The following CCDC42 variants were observed in gnomAD, a reference collection of about 807,000 sequenced individuals.
CCDC42 encodes the protein coiled-coil domain-containing protein 42.
In CCDC42, 38 loss-of-function variants were observed where a neutral mutation model predicts 40.8. The ratio of observed to expected loss-of-function variants is 0.93; its 90% CI spans 0.72 to 1.22. The LOEUF (loss-of-function observed/expected upper bound fraction) is 1.22. CCDC42 is among the 50% of genes most tolerant of loss of function. CCDC42 has a pLI of 0.00. For synonymous variants in CCDC42, 135 were observed against 157.5 expected, an observed-to-expected ratio of 0.86 and a Z score of 1.07; for missense variants, 379 against 416.5, an observed-to-expected ratio of 0.91 and a Z score of 0.78.
At chr17:8,739,163 C>T (rs772481509) in intron 4 of CCDC42, among the ~76,000 whole-genome samples, 6 of 151,970 alleles carry the variant, frequency 3.9e-5, no homozygotes, top group Non-Finnish European at 7.4e-5. Context: ...CCAGGAACGA[C>T]GCCAGAGTTG....
chr17:8,737,095 A>G (rs2086617455), intron 4 of CCDC42, among the ~76,000 whole-genome samples: 1 of 152,148 alleles, frequency 6.6e-6, no homozygotes, highest in Non-Finnish European at 1.5e-5. Flanking sequence ...AGAAAAAAAG[A>G]AAAGCAAGCA....
intron 4 of CCDC42, among the ~76,000 whole-genome samples, chr17:8,740,519 A>G (rs899485241): frequency 2.7e-5 from 4 of 147,678 alleles, no homozygotes; most frequent in Non-Finnish European, 5.9e-5. Flanking sequence ...AAAGTGGAGG[A>G]TCTGAGACAG....
chr17:8,742,839 C>T (rs551465285), intron 3 of CCDC42, among the ~76,000 whole-genome samples: 32 of 152,362 alleles, frequency 2.1e-4, no homozygotes, highest in South Asian at 6.2e-4. Flanking sequence ...ATTGAAGCTA[C>T]TGACCCTCTG....
chr17:8,740,616 GA>G (rs1447596234), intron 4 of CCDC42, among the ~76,000 whole-genome samples: 1 of 152,124 alleles, frequency 6.6e-6, no homozygotes, highest in East Asian at 1.9e-4. Flanking sequence ...AGGTAGGAGA[GA>G]GAGGGAGGTG....
intron 4 of CCDC42, among the ~76,000 whole-genome samples, chr17:8,736,254 G>A (rs2086610883): frequency 6.6e-6 from 1 of 152,218 alleles, no homozygotes. Flanking sequence ...ATCTATGACT[G>A]GGGGATAGGG....
chr17:8,744,310 G>A (rs1225322404), intron 1 of CCDC42, 126 bp from the exon 2 acceptor site: 1 of 775,688 alleles, frequency 1.3e-6, no homozygotes, highest in Non-Finnish European at 2.1e-6. Context: ...CCGAGGGAAA[G>A]GGCTGTTGTG....
intron 6 of CCDC42, among the ~76,000 whole-genome samples, chr17:8,731,883 G>A (rs1187818130): frequency 1.3e-5 from 2 of 152,224 alleles, no homozygotes; most frequent in Non-Finnish European, 2.9e-5. Context: ...AAACCTGCTT[G>A]GCTGGACGCG....
chr17:8,735,917 C>T lies in CCDC42; in HGVS notation c.493-306G>A, dbSNP rs533868133. On this transcript the variant is annotated intron_variant, in intron 4 of 6. Transcript: ENST00000293845. The surrounding 1 kb of genome is among the most constrained non-coding windows in gnomAD (Gnocchi z 4.7). ...TAAAAAGGACACCTGCCAGTCTCCA[C>T]CCCCAGAGATTCAGATGAATAAACA... Among the ~76,000 whole-genome samples the T allele has an allele frequency of 3.3e-5, 5 of 152,308 alleles. No homozygotes were observed. The highest frequency in any genetic ancestry group is 3.9e-4 in the East Asian group (2 of 5,176).
chr17:8,744,331 T>C (rs1300404929), intron 1 of CCDC42, 147 bp from the exon 2 acceptor site: 2 of 730,942 alleles, frequency 2.7e-6, no homozygotes, highest in African/African-American at 1.8e-5. Flanking sequence ...TTGAGAAGCA[T>C]AGAGGGCCAT....
rs540822250 is a variant in CCDC42 at position 8,732,657 on chromosome 17, C to G, written c.873+2439G>C. 4.7e-4 allele frequency among the ~76,000 whole-genome samples: 71 copies of G among 152,268 alleles called. 2 individuals carry two copies. Among genetic ancestry groups the G allele is most frequent in the African/African-American group, 1.7e-3 (71 of 41,552 alleles). On this transcript the variant is annotated intron_variant, in intron 6 of 6. Coordinates refer to ENST00000293845, the MANE Select transcript of CCDC42 (RefSeq NM_144681.3). ...TTTTAGAAACGCTGTCTGCTGGGAG[C>G]ATCTCAGGGCATAGAACTATAGCAA...
In CCDC42 at chr17:8,735,081, GT is replaced by G. The variant is rs1284917357; in HGVS notation, c.873+14del. The G allele has an allele frequency of 6.2e-7, 1 of 1,613,998 alleles. No individual in the cohort carries two copies. The highest frequency in any genetic ancestry group is 1.7e-5 in the Admixed American group (1 of 60,030). On this transcript the variant is annotated intron_variant, in intron 6 of 6. Transcript: ENST00000293845. The surrounding 1 kb of genome is among the most constrained non-coding windows in gnomAD (Gnocchi z 4.7). ...AGCCGACCCCACGGGCCCAGTGCCTGTCCCCTCCTCCTACCATGTCCAGCTG... is the reference window on the plus strand; with the variant it reads ...AGCCGACCCCACGGGCCCAGTGCCTGCCCCTCCTCCTACCATGTCCAGCTG...
At chr17:8,736,913 G>A (rs1427958800) in intron 4 of CCDC42, among the ~76,000 whole-genome samples, 1 of 147,280 alleles carries the variant, frequency 6.8e-6, no homozygotes, top group East Asian at 2.0e-4. Context: ...AGAAGAAGAA[G>A]AAAGGAAGAA....
At position 8,735,983 on chromosome 17, in the gene CCDC42, C is replaced by T. The variant is rs1243158502; in HGVS notation, c.493-372G>A. On this transcript the variant is annotated intron_variant, in intron 4 of 6. Coordinates refer to ENST00000293845, the MANE Select transcript of CCDC42 (RefSeq NM_144681.3). This position sits in a 1 kb window ranked among gnomAD's most constrained non-coding sequence, Gnocchi z 4.7. ...CTGGCATCTGAATTTTGCAAAAGGT[C>T]CCCTGGTGGCTCTAGGCACAGCCAG... Among the ~76,000 whole-genome samples, 6 of 152,132 alleles carry T rather than the reference C, an allele frequency of 3.9e-5. No individual in the cohort carries two copies. Among genetic ancestry groups the T allele is most frequent in the African/African-American group, 9.7e-5 (4 of 41,426 alleles).
intron 3 of CCDC42, 91 bp from the exon 4 acceptor site, chr17:8,741,762 CCT>C (rs1216329831): frequency 8.0e-7 from 1 of 1,256,236 alleles, no homozygotes; most frequent in Non-Finnish European, 1.1e-6. Flanking sequence ...CCCTCAGACC[CCT>C]CTGTCTGCAC....
rs2086667975 is a variant in CCDC42, at chr17:8,744,690, TG to T, written c.-82del. 1.0e-6 allele frequency: 1 copy of T among 959,446 alleles called. No individual in the cohort carries two copies. The highest frequency in any genetic ancestry group is 1.3e-5 in the South Asian group (1 of 76,724). The allele number at this position is 959,446 out of a possible 1,614,324, so 59.4% of individuals were successfully genotyped here. A position where few individuals can be genotyped will look rare whatever the true frequency, so the allele number is the denominator to read the frequency against. On this transcript the variant is annotated 5_prime_UTR_variant, in exon 1 of 7. Coordinates refer to ENST00000293845, the MANE Select transcript of CCDC42 (RefSeq NM_144681.3). ...AGCAGAGCCACAGGTGGCTCAGGGG[TG>T]GTGGCTGCACTCTTGTTTCTCCCTT...
chr17:8,744,232 AG>A, intron 1 of CCDC42, 48 bp from the exon 2 acceptor site: 1 of 1,453,704 alleles, frequency 6.9e-7, no homozygotes, highest in African/African-American at 1.4e-5. Context: ...GACATGGGGT[AG>A]GCTGGGGCTG....
At chr17:8,738,011 G>C (rs993183329) in intron 4 of CCDC42, among the ~76,000 whole-genome samples, 1 of 60,218 alleles carries the variant, frequency 1.7e-5, no homozygotes, top group South Asian at 4.0e-4. Flanking sequence ...TTGCAGATTT[G>C]GGGGGGGTCT....
In CCDC42 at chr17:8,733,654, C is replaced by A. The variant is rs529063694; in HGVS notation, c.873+1442G>T. ...TACAGGTGCCTGCCACCATGCCCGGCTAATTTTTGCATTTTTAGTAGAGAT... is the reference window on the plus strand; with the variant it reads ...TACAGGTGCCTGCCACCATGCCCGGATAATTTTTGCATTTTTAGTAGAGAT... On this transcript the variant is annotated intron_variant, in intron 6 of 6. Coordinates refer to ENST00000293845, the MANE Select transcript of CCDC42 (RefSeq NM_144681.3). Among the ~76,000 whole-genome samples the A allele has an allele frequency of 3.9e-5, 6 of 152,310 alleles. No homozygotes were observed. The East Asian group carries it at 1.2e-3, about 29-fold the overall frequency.
rs1568051382 is a variant in CCDC42 at position 8,735,744 on chromosome 17, G to GGCCAGA, written c.493-139_493-134dup. On this transcript the variant is annotated intron_variant, in intron 4 of 6. Transcript: ENST00000293845. This position sits in a 1 kb window ranked among gnomAD's most constrained non-coding sequence, Gnocchi z 4.7. ...CAGGCAGGCCCTTGGCCAGGGTCAC[G>GGCCAGA]GCCAGAGGCTGTGAGGGACACTGGG... The GGCCAGA allele has an allele frequency of 4.3e-6, 3 of 694,598 alleles. No individual in the cohort carries two copies. The African/African-American group carries it at 5.4e-5, about 12-fold the overall frequency. The allele number at this position is 694,598 out of a possible 1,614,324, so 43.0% of individuals were successfully genotyped here. A position where few individuals can be genotyped will look rare whatever the true frequency, so the allele number is the denominator to read the frequency against.
Sources: gnomAD v4.1 joint callset for allele counts (sites outside exome capture counted in the v4.1 genomes callset) on GRCh38, gnomAD v4.1.1 for gene constraint, Gnocchi (gnomAD v3.1) non-coding constraint, MANE v1.5 for transcripts, NCBI Gene and HGNC (gene_info 2026-07-23, HGNC 2026-07-21) for gene names.